Variants in ZNF529 observed in about 807,000 individuals in gnomAD.
ZNF529 encodes zinc finger protein 529.
In ZNF529, 11 loss-of-function variants were observed where a neutral mutation model predicts 10.1. The observed-to-expected ratio is 1.09, with a 90% CI of 0.69 to 1.81. ZNF529 has a LOEUF of 1.81. Among genes scored for constraint, ZNF529 ranks in the 40% most tolerant of loss-of-function variants. ZNF529 has a pLI of 0.00. For missense variants in ZNF529, 624 were observed against 666.8 expected (o/e 0.94, Z 0.71); for synonymous variants, 204 against 215.7 (o/e 0.95, Z 0.47).
At chr19:36,576,944 A>G (rs1600330610), upstream of ZNF529, among the ~76,000 whole-genome samples, 2 of 147,598 alleles carry the variant, frequency 1.4e-5, no homozygotes, top group Non-Finnish European at 3.0e-5. Context: ...GAGTGATTCT[A>G]CTTTTTCTTT....
chr19:36,568,747 C>A (rs1016349990), intron 2 of ZNF529, among the ~76,000 whole-genome samples: 3 of 152,150 alleles, frequency 2.0e-5, no homozygotes, highest in Admixed American at 2.0e-4. Context: ...GCTGGGATTA[C>A]AGGTGTGAGC....
intron 2 of ZNF529, among the ~76,000 whole-genome samples, 168 bp downstream of exon 2, chr19:36,572,165 C>T (rs907045361): frequency 6.6e-6 from 1 of 150,936 alleles, no homozygotes; most frequent in African/African-American, 2.4e-5. Flanking sequence ...AAAAGAAGCA[C>T]ATGGGAGAAT....
chr19:36,553,220 AGTTCAAGCGG>A (rs2035331307), intron 4 of ZNF529, among the ~76,000 whole-genome samples: 1 of 151,990 alleles, frequency 6.6e-6, no homozygotes, highest in Non-Finnish European at 1.5e-5. Flanking sequence ...CTACCTCCCG[AGTTCAAGCGG>A]GTTCCAGCAA....
At chr19:36,597,984 C>A (rs559483304) in intron 1 of ZNF529, among the ~76,000 whole-genome samples, 1 of 152,244 alleles carries the variant, frequency 6.6e-6, no homozygotes, top group African/African-American at 2.4e-5. Flanking sequence ...TGTTCACCCA[C>A]CAAAAGCCCA....
chr19:36,597,463 G>A (rs1019208839), intron 1 of ZNF529, among the ~76,000 whole-genome samples: 2 of 152,128 alleles, frequency 1.3e-5, no homozygotes, highest in Non-Finnish European at 2.9e-5. Context: ...CTCATGCAGT[G>A]CTTCTGACAG....
At chr19:36,553,446 C>T (rs1489067851) in intron 4 of ZNF529, among the ~76,000 whole-genome samples, 1 of 151,860 alleles carries the variant, frequency 6.6e-6, no homozygotes, top group East Asian at 1.9e-4. Context: ...AGCCAAGAGT[C>T]AATTATGTAA....
At chr19:36,575,503 G>A (rs2036294720), upstream of ZNF529, among the ~76,000 whole-genome samples, 2 of 149,516 alleles carry the variant, frequency 1.3e-5, no homozygotes, top group African/African-American at 2.5e-5. Context: ...TGAAGTTGAG[G>A]GTGATTTAAT....
At chr19:36,597,697 A>T (rs2036862007) in intron 1 of ZNF529, among the ~76,000 whole-genome samples, 1 of 152,242 alleles carries the variant, frequency 6.6e-6, no homozygotes, top group African/African-American at 2.4e-5. Flanking sequence ...CAAATTTCCA[A>T]CAATAGAACA....
intron 2 of ZNF529, among the ~76,000 whole-genome samples, chr19:36,588,642 A>G (rs1056719825): frequency 6.6e-6 from 1 of 152,160 alleles, no homozygotes; most frequent in East Asian, 1.9e-4. Context: ...GCAAGATTCA[A>G]AGGGGCCATG....
intron 4 of ZNF529, among the ~76,000 whole-genome samples, chr19:36,552,166 T>C (rs559882766): frequency 7.0e-4 from 106 of 152,178 alleles, no homozygotes; most frequent in East Asian, 2.5e-3. Flanking sequence ...TGCAGTGGCT[T>C]ACACCTGTAA....
intron 2 of ZNF529, chr19:36,581,395 A>G (rs1168463059): frequency 6.6e-6 from 1 of 152,214 alleles, no homozygotes; most frequent in Non-Finnish European, 1.5e-5. Flanking sequence ...GTTGAGAGGA[A>G]TGTTAAGTAC....
At chr19:36,566,924 G>A (rs1251881135) in intron 2 of ZNF529, among the ~76,000 whole-genome samples, 1 of 151,890 alleles carries the variant, frequency 6.6e-6, no homozygotes, top group African/African-American at 2.4e-5. Context: ...GGAGGCTAAG[G>A]CAGGAGAAGC....
At chr19:36,554,923 A>G in intron 3 of ZNF529, 127 bp from the exon 4 acceptor site, 1 of 747,714 alleles carries the variant, frequency 1.3e-6, no homozygotes. Flanking sequence ...AGACTGTGAC[A>G]TGGGAAGTAA....
At chr19:36,585,547 T>TA (rs888753043) in intron 2 of ZNF529, among the ~76,000 whole-genome samples, 6 of 152,242 alleles carry the variant, frequency 3.9e-5, no homozygotes. Context: ...AATAAGTCTT[T>TA]ATGAAATGAG....
chr19:36,547,602 A>C lies in ZNF529; in HGVS notation c.956T>G (p.Phe319Cys), dbSNP rs1328477091. The change falls in exon 5 of 5, where the codon TTC (phenylalanine) becomes TGC (cysteine). Residue 319 changes from phenylalanine to cysteine, a missense_variant. Coordinates refer to ENST00000591340, the MANE Select transcript of ZNF529 (RefSeq NM_020951.5). ...TTCGGTAAGCTGTGAATGAAATCTG[A>C]AGTCCTTGCCACATTCCATACATTT... ...TYKCMECGKD[F>C]RFHSQLTEHQ... 2 of 1,613,704 alleles carry C rather than the reference A, an allele frequency of 1.2e-6. No homozygotes were observed. Among genetic ancestry groups the C allele is most frequent in the African/African-American group, 2.7e-5 (2 of 74,940 alleles).
At chr19:36,572,710 T>G (rs2036171790) in intron 1 of ZNF529, among the ~76,000 whole-genome samples, 1 of 151,838 alleles carries the variant, frequency 6.6e-6, no homozygotes, top group African/African-American at 2.4e-5. Context: ...AAACTTCATT[T>G]ATCTATCTTA....
intron 4 of ZNF529, among the ~76,000 whole-genome samples, chr19:36,551,156 G>A (rs1166359177): frequency 6.6e-6 from 1 of 152,126 alleles, no homozygotes; most frequent in Non-Finnish European, 1.5e-5. Context: ...AATAGTTTGC[G>A]GGAGCTAAAG....
chr19:36,570,760 T>G lies in ZNF529; in HGVS notation c.14+1573A>C, dbSNP rs1253623086. Among the ~76,000 whole-genome samples, 3 of 152,330 alleles carry G rather than the reference T, an allele frequency of 2.0e-5. No individual in the cohort carries two copies. The East Asian group carries it at 5.8e-4, about 29-fold the overall frequency. On this transcript the variant is annotated intron_variant, in intron 2 of 4. Coordinates refer to ENST00000591340, the MANE Select transcript of ZNF529 (RefSeq NM_020951.5). ...ATTTCAAGTGCCCATCAAAATTAAC[T>G]TTATATTTTCATTGCTCTTGATTTA...
chr19:36,585,044 G>A (rs1349364429), intron 2 of ZNF529, among the ~76,000 whole-genome samples: 1 of 152,080 alleles, frequency 6.6e-6, no homozygotes, highest in African/African-American at 2.4e-5. Context: ...TTGAGCTAAG[G>A]GGAGGCCTGG....
Sources: allele counts gnomAD v4.1 joint callset (sites outside exome capture counted in the v4.1 genomes callset), GRCh38; gene constraint gnomAD v4.1.1; transcripts MANE v1.5; gene names NCBI Gene and HGNC (gene_info 2026-07-23, HGNC 2026-07-21).